CAPN2: variants seen among roughly 807,000 people sequenced by gnomAD.
CAPN2 encodes calpain-2 catalytic subunit.
Under a neutral mutation model 102.3 loss-of-function variants are expected in CAPN2, and 92 were observed. That is an observed-to-expected ratio of 0.90 (90% confidence interval 0.76 to 1.07). The LOEUF is 1.07. Ranked by LOEUF, CAPN2 falls within the 50% of genes least tolerant of loss-of-function variation. CAPN2 has a pLI of 0.00. For synonymous variants in CAPN2, 340 were observed against 355.4 expected, an observed-to-expected ratio of 0.96 and a Z score of 0.49; for missense variants, 800 against 909.4, an observed-to-expected ratio of 0.88 and a Z score of 1.55.
chr1:223,712,492 G>A (rs560168927), upstream of CAPN2: 506 of 1,188,024 alleles, frequency 4.3e-4, 3 homozygotes, highest in East Asian at 0.015. Context: ...CCCGCGGGCC[G>A]GGCCGCTTCC....
At chr1:223,719,831 T>TGTGTGTGTGCGC (rs1491465648) in intron 2 of CAPN2, among the ~76,000 whole-genome samples, 51 of 96,788 alleles carry the variant, frequency 5.3e-4, no homozygotes, top group Non-Finnish European at 9.5e-4. Context: ...TGTGTGTGTG[T>TGTGTGTGTGCGC]GCGCGCGCGC....
chr1:223,751,033 T>G, intron 7 of CAPN2, 58 bp downstream of exon 7: 3 of 1,345,802 alleles, frequency 2.2e-6, no homozygotes, highest in South Asian at 1.3e-5. Context: ...TGGGAGGCTC[T>G]GGGAAGAGGG....
chr1:223,738,152 A>AT (rs1348417184), intron 2 of CAPN2, among the ~76,000 whole-genome samples: 1 of 151,918 alleles, frequency 6.6e-6, no homozygotes, highest in Non-Finnish European at 1.5e-5. Context: ...TTTTAATCTT[A>AT]TTACCTTTTT....
upstream of CAPN2, among the ~76,000 whole-genome samples, chr1:223,710,098 A>G (rs954797316): frequency 2.6e-5 from 4 of 152,152 alleles, no homozygotes; most frequent in East Asian, 7.7e-4. Context: ...AACACGGTGA[A>G]ACCCCATCTC....
chr1:223,716,577 G>A (rs1455812537), intron 1 of CAPN2, among the ~76,000 whole-genome samples: 1 of 151,946 alleles, frequency 6.6e-6, no homozygotes, highest in African/African-American at 2.4e-5. Flanking sequence ...ATGAACAGGG[G>A]CTAGATCCAA....
upstream of CAPN2, among the ~76,000 whole-genome samples, chr1:223,711,049 T>C (rs911910684): frequency 6.6e-6 from 1 of 152,212 alleles, no homozygotes; most frequent in African/African-American, 2.4e-5. Context: ...TTTTCTGGGT[T>C]CACAAGAGCT....
chr1:223,746,475 C>CTTTGTTTTTTTT (rs1660751069), intron 4 of CAPN2, among the ~76,000 whole-genome samples: 1 of 108,496 alleles, frequency 9.2e-6, no homozygotes, highest in Non-Finnish European at 1.7e-5. Flanking sequence ...CTACGAGAAT[C>CTTTGTTTTTTTT]TTTTTTTTTT....
intron 1 of CAPN2, among the ~76,000 whole-genome samples, chr1:223,702,136 A>AGGAAGGAAGGAAGGAG (rs57280738): frequency 6.8e-6 from 1 of 146,230 alleles, no homozygotes; most frequent in African/African-American, 2.5e-5. Flanking sequence ...GAAGGAAGGA[A>AGGAAGGAAGGAAGGAG]AGAAGGAGGC....
At chr1:223,719,134 A>G (rs1659961145) in intron 2 of CAPN2, among the ~76,000 whole-genome samples, 1 of 152,178 alleles carries the variant, frequency 6.6e-6, no homozygotes, top group Admixed American at 6.5e-5. Flanking sequence ...CGCCCCACAA[A>G]AGACAGAAGA....
At chr1:223,730,784 G>C (rs1015705193) in intron 2 of CAPN2, among the ~76,000 whole-genome samples, 1 of 152,206 alleles carries the variant, frequency 6.6e-6, no homozygotes, top group African/African-American at 2.4e-5. Context: ...CCTTGACTAA[G>C]GGGGCACCCA....
At chr1:223,734,448 G>A (rs1038344257) in intron 2 of CAPN2, among the ~76,000 whole-genome samples, 7 of 152,004 alleles carry the variant, frequency 4.6e-5, no homozygotes, top group Non-Finnish European at 8.8e-5. Flanking sequence ...AGGACACCTC[G>A]CCCAGTGCTC....
chr1:223,736,196 C>T lies in CAPN2; in HGVS notation c.308-7904C>T, dbSNP rs12048989. 5.5e-3 allele frequency among the ~76,000 whole-genome samples: 834 copies of T among 152,198 alleles called. 34 individuals are homozygous for T. The East Asian group carries it at 0.11, about 21-fold the overall frequency. On this transcript the variant is annotated intron_variant, in intron 2 of 20. Coordinates refer to ENST00000295006, the MANE Select transcript of CAPN2 (RefSeq NM_001748.5). Reference sequence around the variant, plus strand: ...TGTTTGCTGGAGGGGTCCTGGACAACGTAGAAAGGGCAGCACACAGCCCTG... The same window carrying T: ...TGTTTGCTGGAGGGGTCCTGGACAATGTAGAAAGGGCAGCACACAGCCCTG...
intron 18 of CAPN2, 180 bp from the exon 19 acceptor site, chr1:223,771,629 A>G (rs1278722783): frequency 1.7e-6 from 1 of 602,834 alleles, no homozygotes; most frequent in Non-Finnish European, 3.0e-6. Context: ...GTTCAAAAAC[A>G]AAAGAAACAG....
At position 223,755,386 on chromosome 1, in the gene CAPN2, C is replaced by T; in HGVS notation, c.1136-94C>T. The stretch of plus-strand genomic sequence containing the variant: ...CCACCATCTCCCTTTATCTCCATCC[C>T]TCTCAGAAGCCTCCAAGCCTGAGAC... On this transcript the variant is annotated intron_variant, in intron 9 of 20. Coordinates refer to ENST00000295006, the MANE Select transcript of CAPN2 (RefSeq NM_001748.5). The surrounding 1 kb of genome is among the most constrained non-coding windows in gnomAD (Gnocchi z 4.1). 1 of 1,268,084 alleles carries T rather than the reference C, an allele frequency of 7.9e-7. No individual in the cohort carries two copies. Among genetic ancestry groups the T allele is most frequent in the South Asian group, 1.3e-5 (1 of 74,240 alleles). The allele number at this position is 1,268,084 out of a possible 1,614,324, so 78.6% of individuals were successfully genotyped here.
At chr1:223,753,272 C>T (rs1354775375) in intron 9 of CAPN2, among the ~76,000 whole-genome samples, 1 of 152,200 alleles carries the variant, frequency 6.6e-6, no homozygotes, top group African/African-American at 2.4e-5. Flanking sequence ...TTCCGCCATG[C>T]TCACGGAAGC....
chr1:223,709,506 C>A (rs1659684466), upstream of CAPN2, among the ~76,000 whole-genome samples: 1 of 151,806 alleles, frequency 6.6e-6, no homozygotes. Context: ...ACTAAAAATA[C>A]AAAATTAGCC....
Position 223,727,688 on chromosome 1 carries a change from C to G in CAPN2, c.307+9857C>G, listed in dbSNP as rs1660235012. On this transcript the variant is annotated intron_variant, in intron 2 of 20. Transcript: ENST00000295006. The surrounding 1 kb of genome is among the most constrained non-coding windows in gnomAD (Gnocchi z 4.1). ...ATCCAGCCGCAAGTATGAGTAAATA[C>G]TGTAGGAAAGGAGAAAACATTGCAT... Among the ~76,000 whole-genome samples the G allele has an allele frequency of 6.6e-6, 1 of 152,164 alleles. No individual in the cohort carries two copies. The highest frequency in any genetic ancestry group is 1.5e-5 in the Non-Finnish European group (1 of 68,032).
intron 2 of CAPN2, among the ~76,000 whole-genome samples, chr1:223,734,689 G>C (rs941539220): frequency 6.6e-6 from 1 of 152,100 alleles, no homozygotes; most frequent in African/African-American, 2.4e-5. Flanking sequence ...ATGTGGCCAA[G>C]GTCTGGCACA....
At chr1:223,702,103 A>AAGG (rs1659494548) in intron 1 of CAPN2, among the ~76,000 whole-genome samples, 1 of 77,416 alleles carries the variant, frequency 1.3e-5, no homozygotes, top group Non-Finnish European at 3.1e-5. Flanking sequence ...GGAAAGAAGG[A>AAGG]AAGAAGGAAG....
Sources: allele counts gnomAD v4.1 joint callset (sites outside exome capture counted in the v4.1 genomes callset), GRCh38; gene constraint gnomAD v4.1.1; non-coding constraint Gnocchi (gnomAD v3.1); transcripts MANE v1.5; gene names NCBI Gene and HGNC (gene_info 2026-07-23, HGNC 2026-07-21).